The following TIAM1 variants were observed in gnomAD, a reference collection of about 807,000 sequenced individuals.
The protein encoded by TIAM1 is rho guanine nucleotide exchange factor TIAM1.
Under a neutral mutation model 163.5 loss-of-function variants are expected in TIAM1, and 65 were observed. The observed-to-expected ratio is 0.40, with a 90% CI of 0.33 to 0.49. The LOEUF is 0.49. TIAM1 is among the 20% of genes least tolerant of loss of function. The probability of loss-of-function intolerance (pLI) is 0.77; values close to 1 mark genes in which losing one functional copy is unlikely to be tolerated. For missense variants in TIAM1, 1,789 were observed against 2,044.7 expected, an observed-to-expected ratio of 0.87 and a Z score of 2.41; for synonymous variants, 833 against 810.1, an observed-to-expected ratio of 1.03 and a Z score of -0.48.
chr21:31,464,339 C>A (rs1162224439), intron 1 of TIAM1, among the ~76,000 whole-genome samples: 1 of 152,202 alleles, frequency 6.6e-6, no homozygotes, highest in African/African-American at 2.4e-5. Context: ...CAGGCTCAAC[C>A]AGGCTCAGAA....
intron 6 of TIAM1, among the ~76,000 whole-genome samples, chr21:31,239,331 A>G (rs2071049403): frequency 6.6e-6 from 1 of 151,946 alleles, no homozygotes; most frequent in African/African-American, 2.4e-5. Flanking sequence ...GGGTCTTTCC[A>G]TGTTGTCTAG....
intron 2 of TIAM1, among the ~76,000 whole-genome samples, chr21:31,373,505 C>T (rs1374051953): frequency 2.6e-5 from 4 of 152,140 alleles, no homozygotes; most frequent in African/African-American, 9.7e-5. Context: ...ATAAACCCAT[C>T]GGATCTCGTG....
At chr21:31,429,342 A>G (rs1264417764) in intron 2 of TIAM1, among the ~76,000 whole-genome samples, 1 of 152,216 alleles carries the variant, frequency 6.6e-6, no homozygotes, top group Non-Finnish European at 1.5e-5. Context: ...AATTGGCAAC[A>G]TCTAAAGACT....
chr21:31,265,289 C>T (rs1339337287), intron 4 of TIAM1, among the ~76,000 whole-genome samples: 3 of 140,384 alleles, frequency 2.1e-5, no homozygotes, highest in African/African-American at 8.0e-5. Context: ...CCCACGGTTT[C>T]GTGCACTAGA....
At chr21:31,430,645 C>A (rs1057007600) in intron 2 of TIAM1, among the ~76,000 whole-genome samples, 1 of 152,036 alleles carries the variant, frequency 6.6e-6, no homozygotes, top group Non-Finnish European at 1.5e-5. Context: ...TTAAAGTTTT[C>A]TGTAGATTTT....
chr21:31,130,373 C>T, intron 24 of TIAM1, 58 bp from the exon 25 acceptor site: 3 of 1,397,452 alleles, frequency 2.1e-6, no homozygotes, highest in Non-Finnish European at 3.0e-6. Flanking sequence ...CGGACCAGTT[C>T]CCTGCATTTT....
At chr21:31,458,794 T>C (rs1048480212) in intron 2 of TIAM1, among the ~76,000 whole-genome samples, 1 of 152,088 alleles carries the variant, frequency 6.6e-6, no homozygotes, top group Admixed American at 6.5e-5. Flanking sequence ...CTACTTCAGC[T>C]TAGGTTCTCA....
intron 2 of TIAM1, chr21:31,452,459 A>C (rs1569343911): frequency 8.2e-6 from 4 of 489,282 alleles, no homozygotes; most frequent in Non-Finnish European, 1.5e-5. Flanking sequence ...GAAAGGTTAT[A>C]AGCGCCATGG....
chr21:31,134,197 G>A (rs1003124228), intron 23 of TIAM1, among the ~76,000 whole-genome samples: 2 of 152,046 alleles, frequency 1.3e-5, no homozygotes, highest in Admixed American at 1.3e-4. Flanking sequence ...AAAACTGAGG[G>A]CAAAGCCATG....
chr21:31,524,864 T>C (rs2147503661), intron 1 of TIAM1, among the ~76,000 whole-genome samples: 1 of 152,278 alleles, frequency 6.6e-6, no homozygotes, highest in East Asian at 1.9e-4. Context: ...ATCCTTGTCT[T>C]AGTACATTTG....
rs577757003 is a variant in TIAM1 at position 31,437,571 on chromosome 21, T to C, written c.-369+26412A>G. Reference sequence around the variant, plus strand: ...GATTTGTGTTCCCACCCAAATCTCATGTTGAATTATAATCCCCAATGTTGG... The same window carrying C: ...GATTTGTGTTCCCACCCAAATCTCACGTTGAATTATAATCCCCAATGTTGG... On this transcript the variant is annotated intron_variant, in intron 2 of 28. Coordinates refer to the TIAM1 transcript ENST00000286827. Among the ~76,000 whole-genome samples, 16 of 151,268 alleles carry C rather than the reference T, an allele frequency of 1.1e-4. 1 individual carries two copies. The South Asian group carries it at 2.9e-3, about 28-fold the overall frequency.
intron 10 of TIAM1, among the ~76,000 whole-genome samples, chr21:31,210,790 GAAAGAAAGAA>G (rs1569034729): frequency 6.8e-6 from 1 of 147,800 alleles, no homozygotes; most frequent in African/African-American, 2.6e-5. Context: ...AAGAAAGAAA[GAAAGAAAGAA>G]AGAAAGAAAG....
chr21:31,236,342 A>T (rs2088756553), intron 6 of TIAM1, among the ~76,000 whole-genome samples: 1 of 152,210 alleles, frequency 6.6e-6, no homozygotes, highest in African/African-American at 2.4e-5. Flanking sequence ...CCATGCCAAA[A>T]TCAAAGGTAA....
intron 24 of TIAM1, 76 bp from the exon 25 acceptor site, chr21:31,130,391 A>G (rs2082368552): frequency 1.7e-5 from 20 of 1,171,762 alleles, no homozygotes; most frequent in Non-Finnish European, 2.6e-5. Context: ...TTTCTAAACC[A>G]GCGACAGACT....
intron 2 of TIAM1, among the ~76,000 whole-genome samples, chr21:31,350,087 A>G (rs2147114937): frequency 6.6e-6 from 1 of 152,340 alleles, no homozygotes; most frequent in South Asian, 2.1e-4. Flanking sequence ...CAGTTCTGGC[A>G]CTAGTTACGT....
At chr21:31,126,662 T>C (rs2082211461) in intron 26 of TIAM1, among the ~76,000 whole-genome samples, 1 of 152,112 alleles carries the variant, frequency 6.6e-6, no homozygotes, top group Non-Finnish European at 1.5e-5. Context: ...GTTGGAGTCA[T>C]CTATCTTGTA....
chr21:31,198,716 C>T, intron 12 of TIAM1, among the ~76,000 whole-genome samples: 1 of 152,208 alleles, frequency 6.6e-6, no homozygotes, highest in South Asian at 2.1e-4. Flanking sequence ...ATCATTTCCA[C>T]AGGATCTAGT....
intron 12 of TIAM1, among the ~76,000 whole-genome samples, chr21:31,197,651 G>A (rs1341106474): frequency 6.7e-6 from 1 of 150,212 alleles, no homozygotes; most frequent in Non-Finnish European, 1.5e-5. Context: ...TTACAGGCGT[G>A]AGCCACCGCG....
Position 31,217,562 on chromosome 21 carries a change from G to A in TIAM1, c.2133C>T (p.Ser711=), listed in dbSNP as rs760919508. 1.2e-6 allele frequency: 2 copies of A among 1,613,822 alleles called. No individual in the cohort carries two copies. The highest frequency in any genetic ancestry group is 1.7e-5 in the Admixed American group (1 of 59,980). Residue 711 remains serine, a synonymous_variant, in exon 9 of 28, where the codon AGC becomes AGT. Coordinates refer to ENST00000541036, the MANE Select transcript of TIAM1 (RefSeq NM_001353694.2). ...TTSKKKQGRP[S]INQVFGEGTE... ...CTGCTCTGGAACCTACCTGATTGAT[G>A]CTTGGCCGTCCCTGCTTCTTTTTGG... is the stretch of plus-strand genomic sequence containing the variant.
Sources: allele counts gnomAD v4.1 joint callset (sites outside exome capture counted in the v4.1 genomes callset), GRCh38; gene constraint gnomAD v4.1.1; transcripts MANE v1.5; gene names NCBI Gene and HGNC (gene_info 2026-07-23, HGNC 2026-07-21).